Variants in GPNMB observed in about 807,000 individuals in gnomAD.
The protein encoded by GPNMB is transmembrane glycoprotein NMB.
Under a neutral mutation model 57.3 loss-of-function variants are expected in GPNMB, and 71 were observed. The observed-to-expected ratio is 1.24, with a 90% CI of 1.02 to 1.51. GPNMB has a LOEUF of 1.51. Among genes scored for constraint, GPNMB ranks in the 40% most tolerant of loss-of-function variants. GPNMB has a pLI of 0.00. For synonymous variants in GPNMB, 253 were observed against 263.2 expected (o/e 0.96, Z 0.38); for missense variants, 677 against 691.9 (o/e 0.98, Z 0.24).
intron 8 of GPNMB, among the ~76,000 whole-genome samples, chr7:23,269,712 G>C (rs879140955): frequency 6.6e-6 from 1 of 152,100 alleles, no homozygotes. Flanking sequence ...CCTTCCCCTG[G>C]GGGAGATCTT....
At chr7:23,248,475 T>A (rs1782587095) in intron 1 of GPNMB, among the ~76,000 whole-genome samples, 1 of 152,216 alleles carries the variant, frequency 6.6e-6, no homozygotes, top group Non-Finnish European at 1.5e-5. Flanking sequence ...CACCTTGCTC[T>A]GGACTAAATA....
At chr7:23,256,608 TGAAAACCCGATAG>T (rs1782784030) in intron 3 of GPNMB, among the ~76,000 whole-genome samples, 1 of 152,216 alleles carries the variant, frequency 6.6e-6, no homozygotes, top group Non-Finnish European at 1.5e-5. Context: ...GATTGTGACT[TGAAAACCCGATAG>T]GAAGAAAAAT....
At chr7:23,255,284 CG>C (rs1782749666) in intron 3 of GPNMB, among the ~76,000 whole-genome samples, 2 of 152,034 alleles carry the variant, frequency 1.3e-5, no homozygotes, top group Non-Finnish European at 2.9e-5. Flanking sequence ...CCCAAAGCGC[CG>C]GGATTACAGG....
At chr7:23,273,680 G>A in intron 10 of GPNMB, 66 bp downstream of exon 10, 1 of 1,021,292 alleles carries the variant, frequency 9.8e-7, no homozygotes, top group South Asian at 1.3e-5. Context: ...ATATCTCTGT[G>A]TAAATAGGCA....
At chr7:23,271,986 C>G (rs1783218584) in intron 9 of GPNMB, among the ~76,000 whole-genome samples, 2 of 152,108 alleles carry the variant, frequency 1.3e-5, no homozygotes, top group African/African-American at 4.8e-5. Flanking sequence ...ACCAACGATG[C>G]AAGGGTGCCC....
chr7:23,257,189 T>C (rs1422318245), intron 4 of GPNMB, 124 bp downstream of exon 4: 11 of 883,276 alleles, frequency 1.2e-5, no homozygotes, highest in African/African-American at 3.3e-5. Context: ...CTGCTAACTT[T>C]CCTTAGCATG....
intron 6 of GPNMB, among the ~76,000 whole-genome samples, chr7:23,261,686 C>T (rs1400858033): frequency 2.0e-5 from 3 of 151,816 alleles, no homozygotes; most frequent in Non-Finnish European, 2.9e-5. Flanking sequence ...TTGTAAATGA[C>T]GAGTTAATGG....
At chr7:23,255,313 A>T (rs1237046822) in intron 3 of GPNMB, among the ~76,000 whole-genome samples, 2 of 152,202 alleles carry the variant, frequency 1.3e-5, no homozygotes, top group African/African-American at 4.8e-5. Context: ...CACCGCGCCC[A>T]GTCAGCATTT....
At chr7:23,263,489 G>C (rs1401173006) in intron 6 of GPNMB, among the ~76,000 whole-genome samples, 3 of 151,810 alleles carry the variant, frequency 2.0e-5, no homozygotes, top group Non-Finnish European at 4.4e-5. Flanking sequence ...GAGAGTGTCT[G>C]TAATCCCAGC....
intron 6 of GPNMB, among the ~76,000 whole-genome samples, chr7:23,264,279 C>T (rs976806696): frequency 2.6e-5 from 4 of 152,162 alleles, no homozygotes; most frequent in African/African-American, 9.6e-5. Context: ...TCTCATCTGT[C>T]TTTTAAGGTG....
chr7:23,263,263 A>G (rs1301326483), intron 6 of GPNMB, among the ~76,000 whole-genome samples: 2 of 152,178 alleles, frequency 1.3e-5, no homozygotes, highest in African/African-American at 4.8e-5. Context: ...TTTGAAGCCA[A>G]TGAAAAGCTA....
intron 9 of GPNMB, among the ~76,000 whole-genome samples, chr7:23,271,460 A>G (rs185082010): frequency 6.6e-6 from 1 of 152,362 alleles, no homozygotes; most frequent in East Asian, 1.9e-4. Flanking sequence ...GTTCTTAAAC[A>G]TGTATTTCCA....
intron 9 of GPNMB, among the ~76,000 whole-genome samples, chr7:23,272,861 T>TTTTTTTTTTTTTA (rs398004001): frequency 1.3e-5 from 2 of 151,590 alleles, no homozygotes; most frequent in African/African-American, 4.9e-5. Context: ...TTTTTTTTTT[T>TTTTTTTTTTTTTA]GAGGCAAGGT....
At chr7:23,267,369 C>A (rs373757125) in intron 7 of GPNMB, among the ~76,000 whole-genome samples, 7 of 152,294 alleles carry the variant, frequency 4.6e-5, no homozygotes, top group African/African-American at 1.7e-4. Context: ...ATTGCCAGAT[C>A]TGATGTGTTT....
Position 23,260,632 on chromosome 7 carries a change from G to T in GPNMB, c.877G>T (p.Val293Phe), listed in dbSNP as rs370365955. Residue 293 changes from valine (V) to phenylalanine (F), a missense_variant, in exon 6 of 11, where the codon GTT (valine) becomes TTT (phenylalanine). By Grantham distance (50) the Val-to-Phe change is conservative. Transcript: ENST00000258733. Reference protein sequence around the residue: ...WSFGDNTGLFVSTNHTVNHTY... With the variant: ...WSFGDNTGLFFSTNHTVNHTY... ...CTTCGGGGATAATACTGGCCTGTTT[G>T]TTTCCACCAATCATACTGTGAATCA... The T allele has an allele frequency of 3.1e-6, 5 of 1,614,068 alleles. No individual in the cohort carries two copies. In the South Asian group the frequency reaches 4.4e-5, roughly 14 times the overall value.
intron 8 of GPNMB, among the ~76,000 whole-genome samples, 182 bp from the exon 9 acceptor site, chr7:23,269,785 G>A (rs775265233): frequency 6.6e-6 from 1 of 152,146 alleles, no homozygotes; most frequent in Non-Finnish European, 1.5e-5. Context: ...ATAGCTCAGC[G>A]CACAGGCTTG....
intron 9 of GPNMB, chr7:23,273,101 C>T (rs1281893042): frequency 6.4e-6 from 1 of 156,772 alleles, no homozygotes; most frequent in African/African-American, 2.4e-5. Flanking sequence ...GAAGGGCACT[C>T]CTGTAAGGGG....
rs111858913 is a variant in GPNMB, at chr7:23,246,941, A to G, written c.70+14A>G. 6.3e-7 allele frequency: 1 copy of G among 1,593,572 alleles called. No individual in the cohort carries two copies. Among genetic ancestry groups the G allele is most frequent in the African/African-American group, 1.3e-5 (1 of 74,494 alleles). On this transcript the variant is annotated intron_variant, in intron 1 of 10. Coordinates refer to ENST00000258733, the MANE Select transcript of GPNMB (RefSeq NM_002510.3). ...ATGCCGCCAAACGTGAGTAACCCTTAATTTCTATGTTTAACCCATTCTCTG... is the reference window on the plus strand; with the variant it reads ...ATGCCGCCAAACGTGAGTAACCCTTGATTTCTATGTTTAACCCATTCTCTG...
At chr7:23,263,612 C>CAAA (rs750640697) in intron 6 of GPNMB, among the ~76,000 whole-genome samples, 20 of 63,002 alleles carry the variant, frequency 3.2e-4, no homozygotes, top group African/African-American at 1.0e-3. Flanking sequence ...AACTCTGTCT[C>CAAA]AAAAAAAAAA....
Sources: gnomAD v4.1 joint callset for allele counts (sites outside exome capture counted in the v4.1 genomes callset) on GRCh38, gnomAD v4.1.1 for gene constraint, MANE v1.5 for transcripts, NCBI Gene and HGNC (gene_info 2026-07-23, HGNC 2026-07-21) for gene names.